The following FSHR variants were observed in gnomAD, a reference collection of about 807,000 sequenced individuals.
FSHR encodes the protein follicle stimulating hormone receptor.
Under a neutral mutation model 52.1 loss-of-function variants are expected in FSHR, and 46 were observed. That is an observed-to-expected ratio of 0.88 (90% confidence interval 0.70 to 1.13). The LOEUF (loss-of-function observed/expected upper bound fraction) is 1.13. FSHR is among the 50% of genes most tolerant of loss of function. The pLI, the probability that FSHR is intolerant of heterozygous loss-of-function variation, is 0.00. For synonymous variants in FSHR, 399 were observed against 309.6 expected (o/e 1.29, Z -3.03); for missense variants, 964 against 834.6 (o/e 1.16, Z -1.91).
In FSHR at chr2:48,969,395, A is replaced by T. The variant is rs569602922; in HGVS notation, c.669-512T>A. On this transcript the variant is annotated intron_variant, in intron 8 of 9. Coordinates refer to ENST00000406846, the MANE Select transcript of FSHR (RefSeq NM_000145.4). ...GGCGGTAGGGGCAGTGTTAGCACAA[A>T]GTCCAAGTGGCAGTACAGAGTGGTG... 1.6e-4 allele frequency among the ~76,000 whole-genome samples: 25 copies of T among 152,366 alleles called. No individual in the cohort carries two copies. In the East Asian group the frequency reaches 4.6e-3, roughly 28 times the overall value.
Position 48,988,986 on chromosome 2 carries a change from C to G in FSHR, c.515G>C (p.Ser172Thr). The G allele has an allele frequency of 1.2e-6, 2 of 1,613,728 alleles. No individual in the cohort carries two copies. Among genetic ancestry groups the G allele is most frequent in the East Asian group, 2.2e-5 (1 of 44,848 alleles). The change falls in exon 6 of 10, where the codon AGT becomes ACT. Residue 172 changes from serine (S) to threonine (T), a missense_variant. Physicochemically the swap from Ser to Thr is moderately conservative, Grantham distance 58. Coordinates refer to ENST00000406846, the MANE Select transcript of FSHR (RefSeq NM_000145.4). ...TTTCCCCCTTACTTACAGAATCACA[C>G]TTTCAAAGCTCAGCCCCACGAAAGA... is the stretch of plus-strand genomic sequence containing the variant. Reference protein sequence around the residue: ...RNSFVGLSFESVILWLNKNGI... With the variant: ...RNSFVGLSFETVILWLNKNGI...
At chr2:49,142,901 G>T (rs951073356) in intron 1 of FSHR, among the ~76,000 whole-genome samples, 1 of 152,156 alleles carries the variant, frequency 6.6e-6, no homozygotes, top group African/African-American at 2.4e-5. Flanking sequence ...GATGAAGGCT[G>T]GGAGAAGAGA....
chr2:49,098,586 T>C (rs919825321), intron 1 of FSHR, among the ~76,000 whole-genome samples: 4 of 151,844 alleles, frequency 2.6e-5, no homozygotes, highest in South Asian at 2.1e-4. Flanking sequence ...AGAATCTCTA[T>C]GCCAGGTTAC....
intron 3 of FSHR, among the ~76,000 whole-genome samples, chr2:49,019,050 G>A (rs1231420190): frequency 6.6e-6 from 1 of 152,156 alleles, no homozygotes; most frequent in African/African-American, 2.4e-5. Context: ...TGTAAAATTA[G>A]GAGGTAGTTC....
intron 2 of FSHR, among the ~76,000 whole-genome samples, chr2:49,034,321 C>A (rs557481698): frequency 6.6e-6 from 1 of 152,206 alleles, no homozygotes; most frequent in East Asian, 1.9e-4. Flanking sequence ...CCTGACCCCC[C>A]TTCCGAGGTC....
chr2:48,981,389 ATG>A (rs762303814), intron 8 of FSHR, among the ~76,000 whole-genome samples: 8 of 152,056 alleles, frequency 5.3e-5, no homozygotes, highest in African/African-American at 1.7e-4. Context: ...AAAAATATTT[ATG>A]TGTGTGTGTG....
At chr2:49,078,495 AG>A (rs1425997595) in intron 1 of FSHR, among the ~76,000 whole-genome samples, 1 of 152,218 alleles carries the variant, frequency 6.6e-6, no homozygotes, top group Non-Finnish European at 1.5e-5. Flanking sequence ...GAAATAATAT[AG>A]GGACAATGTG....
At chr2:48,964,583 A>G (rs183267224) in intron 9 of FSHR, among the ~76,000 whole-genome samples, 25 of 152,238 alleles carry the variant, frequency 1.6e-4, no homozygotes, top group Non-Finnish European at 3.5e-4. Flanking sequence ...GGGGGCCACA[A>G]TAGGCCTCAG....
At chr2:49,008,020 T>TTTTTTGA (rs1291979755) in intron 4 of FSHR, among the ~76,000 whole-genome samples, 1 of 151,894 alleles carries the variant, frequency 6.6e-6, no homozygotes. Flanking sequence ...TTTTTTAAAT[T>TTTTTTGA]TTTTTTATTT....
intron 2 of FSHR, among the ~76,000 whole-genome samples, chr2:49,039,362 TATA>T (rs1357684702): frequency 6.6e-6 from 1 of 152,228 alleles, no homozygotes; most frequent in African/African-American, 2.4e-5. Flanking sequence ...ATCCATTGAC[TATA>T]ATGACAACAT....
chr2:49,076,326 A>C (rs1028214859), intron 1 of FSHR, among the ~76,000 whole-genome samples: 7 of 152,226 alleles, frequency 4.6e-5, no homozygotes, highest in Non-Finnish European at 8.8e-5. Flanking sequence ...GTCATGTTCT[A>C]CATGGATGGC....
At position 49,069,300 on chromosome 2, in the gene FSHR, G is replaced by A. The variant is rs6725099; in HGVS notation, c.153-1010C>T. The stretch of plus-strand genomic sequence containing the variant: ...TCTGGCTTAATGTTTCCACATTTGC[G>A]GTTCTCTCTGTTTGGAACATTTCTC... On this transcript the variant is annotated intron_variant, in intron 1 of 9. Coordinates refer to ENST00000406846, the MANE Select transcript of FSHR (RefSeq NM_000145.4). Among the ~76,000 whole-genome samples, 930 of 152,058 alleles carry A rather than the reference G, an allele frequency of 6.1e-3. 8 individuals carry two copies. Among genetic ancestry groups the A allele is most frequent in the African/African-American group, 0.02 (817 of 41,484 alleles).
chr2:49,149,267 C>T (rs1309487974), intron 1 of FSHR, among the ~76,000 whole-genome samples: 1 of 151,912 alleles, frequency 6.6e-6, no homozygotes, highest in Non-Finnish European at 1.5e-5. Context: ...ACAGGTAATA[C>T]CTGGTTACCT....
At chr2:49,104,490 T>C (rs1352658734) in intron 1 of FSHR, among the ~76,000 whole-genome samples, 3 of 152,166 alleles carry the variant, frequency 2.0e-5, no homozygotes, top group Non-Finnish European at 4.4e-5. Context: ...GCTTTTCTTT[T>C]AGATAGAAAG....
chr2:49,013,513 T>TATAAATATATATATAAATATATATATAA (rs1553333458), intron 4 of FSHR, among the ~76,000 whole-genome samples: 167 of 136,566 alleles, frequency 1.2e-3, no homozygotes, highest in African/African-American at 4.5e-3. Flanking sequence ...TATATATATA[T>TATAAATATATATATAAATATATATATAA]ATAAATATAT....
In FSHR at chr2:48,963,410, TGG is replaced by T. The variant is rs2103991727; in HGVS notation, c.1409_1410del (p.Thr470AsnfsTer53). 1 of 1,614,090 alleles carries T rather than the reference TGG, an allele frequency of 6.2e-7. No individual in the cohort carries two copies. The highest frequency in any genetic ancestry group is 2.2e-5 in the East Asian group (1 of 44,852). ...LTAITLERWH[T>X]ITHAMQLDCK... ...CAGTCCAGCTGCATGGCATGCGTGA[TGG>T]TATGCCATCTTTCCAAGGTGATAGC... On this transcript the variant is annotated frameshift_variant, in exon 10 of 10. Coordinates refer to ENST00000406846, the MANE Select transcript of FSHR (RefSeq NM_000145.4). LOFTEE classifies it high-confidence loss of function.
At chr2:49,025,944 T>C (rs150652306) in intron 2 of FSHR, among the ~76,000 whole-genome samples, 384 of 152,272 alleles carry the variant, frequency 2.5e-3, no homozygotes, top group Non-Finnish European at 3.0e-3. Flanking sequence ...CTTTTCCCTT[T>C]AGGAGAGGCT....
intron 2 of FSHR, among the ~76,000 whole-genome samples, chr2:49,023,303 C>T (rs982913221): frequency 6.6e-6 from 1 of 152,136 alleles, no homozygotes; most frequent in Non-Finnish European, 1.5e-5. Context: ...GTATCTCTAG[C>T]ATCTAGTGAT....
intron 1 of FSHR, among the ~76,000 whole-genome samples, chr2:49,116,085 T>G (rs1428625646): frequency 1.3e-5 from 2 of 152,028 alleles, no homozygotes; most frequent in Non-Finnish European, 2.9e-5. Flanking sequence ...ATCTTGGCAT[T>G]TTTTTTAGTA....
Sources: allele counts gnomAD v4.1 joint callset (sites outside exome capture counted in the v4.1 genomes callset), GRCh38; gene constraint gnomAD v4.1.1; transcripts MANE v1.5; gene names NCBI Gene and HGNC (gene_info 2026-07-23, HGNC 2026-07-21).